Variants in EFCAB6 observed in about 807,000 individuals in gnomAD.
The protein encoded by EFCAB6 is EF-hand calcium-binding domain-containing protein 6.
Under a neutral mutation model 169.8 loss-of-function variants are expected in EFCAB6, and 156 were observed. The observed-to-expected ratio is 0.92, with a 90% CI of 0.81 to 1.05. The LOEUF (loss-of-function observed/expected upper bound fraction) is 1.05, where lower values mean the gene tolerates loss of function less well. Ranked by LOEUF, EFCAB6 falls within the 50% of genes least tolerant of loss-of-function variation. The probability of loss-of-function intolerance (pLI) is 0.00; values close to 1 mark genes in which losing one functional copy is unlikely to be tolerated. For missense variants in EFCAB6, 1,800 were observed against 1,829.1 expected (o/e 0.98, Z 0.29); for synonymous variants, 698 against 676.4 (o/e 1.03, Z -0.50).
chr22:43,576,530 A>T (rs1433357532), intron 25 of EFCAB6, 42 bp from the exon 26 acceptor site: 4 of 1,478,224 alleles, frequency 2.7e-6, no homozygotes, highest in Middle Eastern at 1.9e-4. Flanking sequence ...AATCCTGTCA[A>T]ATGAATACTT....
rs2047483199 is a variant in EFCAB6 at position 43,538,051 on chromosome 22, G to C, written c.3880-506C>G. 4.0e-5 allele frequency among the ~76,000 whole-genome samples: 6 copies of C among 148,520 alleles called. No homozygotes were observed. In the South Asian group the frequency reaches 1.3e-3, roughly 31 times the overall value. On this transcript the variant is annotated intron_variant, in intron 28 of 31. Transcript: ENST00000262726. The stretch of plus-strand genomic sequence containing the variant: ...AAGGGAGTGGCTCTAATCTAGCCCA[G>C]GTTTTTTTTCCTGAAGTCCCCGTTG...
At chr22:43,568,579 C>T (rs1018514773) in intron 26 of EFCAB6, among the ~76,000 whole-genome samples, 3 of 152,072 alleles carry the variant, frequency 2.0e-5, no homozygotes, top group Non-Finnish European at 4.4e-5. Context: ...GAATCCTGAT[C>T]CGGGTTCAGG....
intron 26 of EFCAB6, among the ~76,000 whole-genome samples, chr22:43,566,550 T>C (rs1261226630): frequency 1.3e-5 from 2 of 152,186 alleles, no homozygotes; most frequent in African/African-American, 4.8e-5. Flanking sequence ...TGGCTCTCCC[T>C]GCTGTATAGA....
At chr22:43,548,940 C>A (rs2048234093) in intron 27 of EFCAB6, among the ~76,000 whole-genome samples, 1 of 152,098 alleles carries the variant, frequency 6.6e-6, no homozygotes, top group African/African-American at 2.4e-5. Flanking sequence ...ATTATATTTT[C>A]TGATTAAAAT....
chr22:43,540,071 G>T, intron 28 of EFCAB6, 56 bp downstream of exon 28: 1 of 1,589,562 alleles, frequency 6.3e-7, no homozygotes, highest in Non-Finnish European at 8.6e-7. Context: ...CCCCCAGTGG[G>T]ATTTGTGGAT....
At chr22:43,719,816 G>A (rs373316311) in intron 8 of EFCAB6, among the ~76,000 whole-genome samples, 9 of 152,304 alleles carry the variant, frequency 5.9e-5, no homozygotes, top group East Asian at 5.8e-4. Context: ...ATAGGTATTA[G>A]CTACGTATTG....
chr22:43,620,669 T>C (rs981495311), intron 20 of EFCAB6, among the ~76,000 whole-genome samples: 1 of 152,148 alleles, frequency 6.6e-6, no homozygotes, highest in Non-Finnish European at 1.5e-5. Flanking sequence ...GCAACAGAAA[T>C]GGTAAATACC....
At chr22:43,808,541 A>G (rs1012175477) in intron 2 of EFCAB6, among the ~76,000 whole-genome samples, 1 of 151,954 alleles carries the variant, frequency 6.6e-6, no homozygotes, top group African/African-American at 2.4e-5. Flanking sequence ...GATGGATCAC[A>G]GGTGATATTC....
At chr22:43,543,108 C>T (rs578260802) in intron 27 of EFCAB6, among the ~76,000 whole-genome samples, 4 of 152,268 alleles carry the variant, frequency 2.6e-5, no homozygotes, top group South Asian at 2.1e-4. Context: ...CCCATGAGCG[C>T]GGGGTCACAG....
chr22:43,615,988 G>T, intron 20 of EFCAB6, 66 bp from the exon 21 acceptor site: 1 of 1,353,504 alleles, frequency 7.4e-7, no homozygotes, highest in Non-Finnish European at 1.0e-6. Flanking sequence ...CTCCCAAGGG[G>T]TTTCCCTATC....
At chr22:43,613,216 ATT>A (rs973068328) in intron 21 of EFCAB6, among the ~76,000 whole-genome samples, 6 of 148,586 alleles carry the variant, frequency 4.0e-5, no homozygotes, top group East Asian at 1.9e-4. Flanking sequence ...ATAGAAATAT[ATT>A]TGTTACATAA....
At chr22:43,739,445 C>T (rs949306084) in intron 6 of EFCAB6, among the ~76,000 whole-genome samples, 1 of 152,080 alleles carries the variant, frequency 6.6e-6, no homozygotes. Context: ...AGTCCTCAGC[C>T]CTCTCTGCTT....
At chr22:43,649,708 T>A (rs1377004893) in intron 17 of EFCAB6, among the ~76,000 whole-genome samples, 1 of 151,652 alleles carries the variant, frequency 6.6e-6, no homozygotes, top group Non-Finnish European at 1.5e-5. Context: ...TGAGAACAAA[T>A]GAAAAAGACA....
chr22:43,623,607 G>A (rs2054257424), intron 20 of EFCAB6, among the ~76,000 whole-genome samples: 1 of 151,848 alleles, frequency 6.6e-6, no homozygotes. Flanking sequence ...AGAAAGGGGT[G>A]GTATCCGGCC....
intron 20 of EFCAB6, among the ~76,000 whole-genome samples, chr22:43,624,124 GA>G (rs925405142): frequency 5.9e-5 from 9 of 152,064 alleles, no homozygotes; most frequent in Admixed American, 1.3e-4. Flanking sequence ...CTTCATCTGT[GA>G]AACCAGCTGG....
intron 2 of EFCAB6, among the ~76,000 whole-genome samples, chr22:43,793,434 A>C (rs986717727): frequency 2.0e-5 from 3 of 152,184 alleles, no homozygotes; most frequent in Non-Finnish European, 4.4e-5. Context: ...TGGTATAAGC[A>C]TTTTCTAAGC....
rs1339485092 is a variant in EFCAB6 at position 43,668,988 on chromosome 22, CA to C, written c.1697del (p.Leu566TrpfsTer4). ...GSGRILYKKLLACIGIDGPPT... is the reference protein window; with the variant it reads ...GSGRILYKKLXACIGIDGPPT... ...GTGGGCCATCAATTCCTATGCATGC[CA>C]AAAGTTTCTTGTAAAGGATTCTTCC... On this transcript the variant is annotated frameshift_variant, in exon 16 of 32. Coordinates refer to ENST00000262726, the MANE Select transcript of EFCAB6 (RefSeq NM_022785.4). LOFTEE classifies it high-confidence loss of function. 6.2e-7 allele frequency: 1 copy of C among 1,612,160 alleles called. No individual in the cohort carries two copies. Among genetic ancestry groups the C allele is most frequent in the Admixed American group, 1.7e-5 (1 of 59,756 alleles).
chr22:43,763,291 G>A (rs752123483), intron 5 of EFCAB6, among the ~76,000 whole-genome samples: 35 of 151,716 alleles, frequency 2.3e-4, no homozygotes, highest in Non-Finnish European at 4.1e-4. Flanking sequence ...TGCCCACTTC[G>A]GCCTCCCAAA....
In EFCAB6 at chr22:43,808,738, CAA is replaced by C. The variant is rs1266315828; in HGVS notation, c.-8+255_-8+256del. Among the ~76,000 whole-genome samples the C allele has an allele frequency of 2.0e-5, 3 of 151,988 alleles. No homozygotes were observed. In the East Asian group the frequency reaches 5.8e-4, roughly 29 times the overall value. On this transcript the variant is annotated intron_variant, in intron 2 of 31. Coordinates refer to ENST00000262726, the MANE Select transcript of EFCAB6 (RefSeq NM_022785.4). ...TCAGAATAAAATAACAGAGAAAAAA[CAA>C]AAAGTGAGTCCAGAAAAAAACCCAG...
Sources: gnomAD v4.1 joint callset for allele counts (sites outside exome capture counted in the v4.1 genomes callset) on GRCh38, gnomAD v4.1.1 for gene constraint, MANE v1.5 for transcripts, NCBI Gene and HGNC (gene_info 2026-07-23, HGNC 2026-07-21) for gene names.